Variants in SLC25A21 observed in about 807,000 individuals in gnomAD.
The protein encoded by SLC25A21 is mitochondrial 2-oxodicarboxylate carrier.
Under a neutral mutation model 43.8 loss-of-function variants are expected in SLC25A21, and 47 were observed. The ratio of observed to expected loss-of-function variants is 1.07; its 90% confidence interval spans 0.85 to 1.37. The LOEUF is 1.37. Among genes scored for constraint, SLC25A21 ranks in the 40% most tolerant of loss-of-function variants. The pLI is 0.00. For synonymous variants in SLC25A21, 131 were observed against 121.3 expected, an observed-to-expected ratio of 1.08 and a Z score of -0.52; for missense variants, 352 against 350.2, an observed-to-expected ratio of 1.00 and a Z score of -0.04.
At chr14:36,965,057 T>A (rs17767326) in intron 1 of SLC25A21, among the ~76,000 whole-genome samples, 1 of 152,116 alleles carries the variant, frequency 6.6e-6, no homozygotes, top group Non-Finnish European at 1.5e-5. Context: ...TGTGGTTACT[T>A]TTAAAGAATC....
chr14:37,165,578 G>A (rs1015175124), intron 1 of SLC25A21, among the ~76,000 whole-genome samples: 2 of 152,154 alleles, frequency 1.3e-5, no homozygotes, highest in African/African-American at 4.8e-5. Context: ...GGAGGCAGGA[G>A]GAGGGTCCTG....
intron 1 of SLC25A21, among the ~76,000 whole-genome samples, chr14:36,944,127 G>A (rs1167340679): frequency 2.0e-5 from 3 of 152,050 alleles, no homozygotes; most frequent in African/African-American, 2.4e-5. Context: ...GTTGGCCTCT[G>A]TACTGAAGAG....
chr14:36,828,516 T>C (rs557300386), intron 2 of SLC25A21: 3 of 152,256 alleles, frequency 2.0e-5, no homozygotes, highest in East Asian at 1.9e-4. Context: ...GAGACACAGA[T>C]GGGAGAAGCC....
intron 3 of SLC25A21, among the ~76,000 whole-genome samples, chr14:36,751,970 C>A (rs1885726086): frequency 6.6e-6 from 1 of 152,164 alleles, no homozygotes; most frequent in African/African-American, 2.4e-5. Context: ...TTCATGCATT[C>A]ATCTGACAAA....
At chr14:36,702,475 CAAA>C (rs1213350246) in intron 7 of SLC25A21, among the ~76,000 whole-genome samples, 4 of 66,162 alleles carry the variant, frequency 6.0e-5, no homozygotes, top group African/African-American at 2.3e-4. Flanking sequence ...CCTGTCTCCA[CAAA>C]AAAAAAAAAA....
At chr14:36,892,631 T>C (rs926326470) in intron 1 of SLC25A21, among the ~76,000 whole-genome samples, 10 of 152,200 alleles carry the variant, frequency 6.6e-5, no homozygotes, top group East Asian at 1.9e-4. Context: ...ATGTGCCATG[T>C]TGGTGTGCTG....
At position 36,814,114 on chromosome 14, in the gene SLC25A21, T is replaced by A. The variant is rs1888369205; in HGVS notation, c.120-113A>T. 4 of 656,768 alleles carry A rather than the reference T, an allele frequency of 6.1e-6. No individual in the cohort carries two copies. The South Asian group carries it at 8.0e-5, about 13-fold the overall frequency. 40.7% of individuals were successfully genotyped at this position (656,768 alleles called of 1,614,324 possible). A position where few individuals can be genotyped will look rare whatever the true frequency, so the allele number is the denominator to read the frequency against. ...TTCAGATTAATCTAGAATATTCTGC[T>A]TTGGTATGGATTTTATTCATTTATT... On this transcript the variant is annotated intron_variant, in intron 2 of 9. Coordinates refer to ENST00000331299, the MANE Select transcript of SLC25A21 (RefSeq NM_030631.4).
chr14:37,032,344 G>C (rs1961232402), intron 1 of SLC25A21, among the ~76,000 whole-genome samples: 1 of 152,010 alleles, frequency 6.6e-6, no homozygotes, highest in East Asian at 1.9e-4. Flanking sequence ...GACCATCCTG[G>C]CTAACACGGT....
At chr14:36,910,804 G>A (rs1344351524) in intron 1 of SLC25A21, among the ~76,000 whole-genome samples, 1 of 152,126 alleles carries the variant, frequency 6.6e-6, no homozygotes, top group African/African-American at 2.4e-5. Context: ...ATTAGTTAAT[G>A]AACTGTAAAA....
intron 3 of SLC25A21, among the ~76,000 whole-genome samples, chr14:36,778,106 T>C (rs998428939): frequency 2.6e-5 from 4 of 152,134 alleles, no homozygotes. Context: ...ACCTACCTCT[T>C]TGGTTACTCC....
intron 1 of SLC25A21, among the ~76,000 whole-genome samples, chr14:37,106,396 C>G (rs1307874952): frequency 6.6e-6 from 1 of 152,020 alleles, no homozygotes; most frequent in African/African-American, 2.4e-5. Flanking sequence ...AACGGCTGCT[C>G]TGGGAGTGTC....
intron 1 of SLC25A21, among the ~76,000 whole-genome samples, chr14:37,108,732 TGTGTGTGC>T (rs374947799): frequency 8.6e-4 from 111 of 128,800 alleles, no homozygotes; most frequent in African/African-American, 2.4e-3. Context: ...TGTGTGTGTG[TGTGTGTGC>T]GTGTGTGTGT....
intron 1 of SLC25A21, among the ~76,000 whole-genome samples, chr14:36,922,162 T>C (rs1019102854): frequency 2.7e-5 from 4 of 149,530 alleles, no homozygotes; most frequent in African/African-American, 5.0e-5. Context: ...AATTGTAGTA[T>C]AGAAACTAAG....
intron 2 of SLC25A21, among the ~76,000 whole-genome samples, chr14:36,842,254 T>C (rs977930340): frequency 2.6e-5 from 4 of 152,190 alleles, no homozygotes; most frequent in African/African-American, 7.2e-5. Context: ...TGATTTTACC[T>C]GGGGCAATGA....
chr14:36,684,348 A>C (rs1882431971), intron 8 of SLC25A21, among the ~76,000 whole-genome samples: 1 of 152,224 alleles, frequency 6.6e-6, no homozygotes, highest in Non-Finnish European at 1.5e-5. Context: ...ACATACTTTA[A>C]ATTTTTAAAA....
rs76915785 is a variant in SLC25A21 at position 36,858,076 on chromosome 14, T to C, written c.119+16880A>G. ...GTTATAATTTGACACCTGGCAAAAA[T>C]CAAGTAGATTTCAGAGAACTTAGAG... On this transcript the variant is annotated intron_variant, in intron 2 of 9. Coordinates refer to ENST00000331299, the MANE Select transcript of SLC25A21 (RefSeq NM_030631.4). 7.9e-3 allele frequency among the ~76,000 whole-genome samples: 1,207 copies of C among 152,282 alleles called. 10 individuals carry two copies. Among genetic ancestry groups the C allele is most frequent in the African/African-American group, 0.028 (1,166 of 41,542 alleles).
chr14:36,950,169 C>T (rs1287972427), intron 1 of SLC25A21, among the ~76,000 whole-genome samples: 2 of 152,056 alleles, frequency 1.3e-5, no homozygotes, highest in African/African-American at 4.8e-5. Flanking sequence ...TTTATAAAAC[C>T]ACATGTCACC....
At chr14:36,714,510 C>T (rs1035450077) in intron 6 of SLC25A21, among the ~76,000 whole-genome samples, 2 of 152,174 alleles carry the variant, frequency 1.3e-5, no homozygotes, top group African/African-American at 4.8e-5. Context: ...AGTACCCTGG[C>T]TAAGATCTCT....
At position 37,155,961 on chromosome 14, in the gene SLC25A21, C is replaced by A. The variant is rs113610689; in HGVS notation, c.70+16320G>T. On this transcript the variant is annotated intron_variant, in intron 1 of 9. Coordinates refer to ENST00000331299, the MANE Select transcript of SLC25A21 (RefSeq NM_030631.4). ...TCCACCTGAGGTCAGGAGTTTGAGA[C>A]CAGCCTGGCCAATATGACGAAACCC... Among the ~76,000 whole-genome samples, 832 of 152,058 alleles carry A rather than the reference C, an allele frequency of 5.5e-3. 7 individuals are homozygous for A. Among genetic ancestry groups the A allele is most frequent in the Non-Finnish European group, 9.4e-3 (639 of 67,976 alleles).
Sources: gnomAD v4.1 joint callset for allele counts (sites outside exome capture counted in the v4.1 genomes callset) on GRCh38, gnomAD v4.1.1 for gene constraint, MANE v1.5 for transcripts, NCBI Gene and HGNC (gene_info 2026-07-23, HGNC 2026-07-21) for gene names.